The following NAA11 variants were observed in gnomAD, a reference collection of about 807,000 sequenced individuals.
NAA11 encodes the protein N-alpha-acetyltransferase 11, NatA catalytic subunit.
In NAA11, 15 loss-of-function variants were observed where a neutral mutation model predicts 16.1. The ratio of observed to expected loss-of-function variants is 0.93; its 90% confidence interval spans 0.62 to 1.44. The LOEUF (loss-of-function observed/expected upper bound fraction) is 1.44. Ranked by LOEUF, NAA11 falls within the 40% of genes most tolerant of loss-of-function variation. The pLI is 0.00. For synonymous variants in NAA11, 122 were observed against 112.4 expected (o/e 1.09, Z -0.54); for missense variants, 298 against 291.3 (o/e 1.02, Z -0.17).
chr4:79,311,893 G>A (rs143227646), downstream of NAA11, among the ~76,000 whole-genome samples: 3 of 152,296 alleles, frequency 2.0e-5, no homozygotes, highest in Admixed American at 2.0e-4. Flanking sequence ...GGGCTACACA[G>A]ACATGAGTAA....
At position 79,279,058 on chromosome 4, in the gene NAA11, C is replaced by T. The variant is rs191883075; in HGVS notation, c.*122+14947G>A. ...TAGGGCCCTCATGACCTAAACACCT[C>T]CCAAAAGACCTAACCTCTTTACACT... On this transcript the variant is annotated intron_variant and NMD_transcript_variant, in intron 2 of 2. Coordinates refer to the NAA11 transcript ENST00000511542. Among the ~76,000 whole-genome samples the T allele has an allele frequency of 4.0e-3, 604 of 152,098 alleles. 1 individual carries two copies. The highest frequency in any genetic ancestry group is 7.0e-3 in the Non-Finnish European group (474 of 67,952).
At chr4:79,210,003 G>A in the NAA11 span, among the ~76,000 whole-genome samples, 1 of 152,232 alleles carries the variant, frequency 6.6e-6, no homozygotes, top group East Asian at 1.9e-4. Context: ...CTGAGATCAC[G>A]CTGCTGCACT....
intron 2 of NAA11, chr4:79,227,301 A>G (rs898006321): frequency 2.6e-5 from 4 of 152,048 alleles, no homozygotes; most frequent in African/African-American, 9.7e-5. Context: ...AAAGAACTCA[A>G]ACAAATTTAC....
At chr4:79,289,678 T>C (rs1723036120) in intron 2 of NAA11, among the ~76,000 whole-genome samples, 1 of 152,234 alleles carries the variant, frequency 6.6e-6, no homozygotes, top group Non-Finnish European at 1.5e-5. Flanking sequence ...TTCAAAAGAT[T>C]ATATTTCAGC....
intron 1 of NAA11, among the ~76,000 whole-genome samples, chr4:79,320,911 CT>C (rs1724070073): frequency 6.6e-6 from 1 of 152,158 alleles, no homozygotes; most frequent in African/African-American, 2.4e-5. Flanking sequence ...CCTGTTCTTT[CT>C]TTCTTCACTG....
the NAA11 span, among the ~76,000 whole-genome samples, chr4:79,182,999 A>G: frequency 6.6e-6 from 1 of 152,146 alleles, no homozygotes; most frequent in Non-Finnish European, 1.5e-5. Context: ...CTTTACAGGA[A>G]TTATCTAGAT....
chr4:79,259,521 C>A (rs976306738), intron 2 of NAA11, among the ~76,000 whole-genome samples: 30 of 152,170 alleles, frequency 2.0e-4, no homozygotes, highest in African/African-American at 7.2e-4. Context: ...GCCTGGCTCA[C>A]CCTTGGCAGG....
chr4:79,156,394 TA>T, the NAA11 span, among the ~76,000 whole-genome samples: 4 of 152,064 alleles, frequency 2.6e-5, no homozygotes, highest in Admixed American at 2.6e-4. Flanking sequence ...CAAAGTGACT[TA>T]TTTTAAGTAA....
the NAA11 span, among the ~76,000 whole-genome samples, chr4:79,191,514 T>C: frequency 6.6e-6 from 1 of 152,320 alleles, no homozygotes; most frequent in South Asian, 2.1e-4. Context: ...CTTTGCCCAC[T>C]TTGTAATGGA....
At chr4:79,267,929 A>G (rs1198000018) in intron 2 of NAA11, among the ~76,000 whole-genome samples, 1 of 152,126 alleles carries the variant, frequency 6.6e-6, no homozygotes, top group Non-Finnish European at 1.5e-5. Context: ...CAGCCTGGAA[A>G]CAAGTATGTT....
At chr4:79,237,912 A>T (rs1721606289) in intron 2 of NAA11, among the ~76,000 whole-genome samples, 1 of 152,190 alleles carries the variant, frequency 6.6e-6, no homozygotes, top group African/African-American at 2.4e-5. Context: ...ATATGTGTAG[A>T]TTAGAAGCTA....
At chr4:79,218,919 C>A in the NAA11 span, among the ~76,000 whole-genome samples, 1 of 151,960 alleles carries the variant, frequency 6.6e-6, no homozygotes, top group Non-Finnish European at 1.5e-5. Context: ...TGCACTTTAG[C>A]AAAATATTCA....
At chr4:79,282,587 C>CT (rs1405688184) in intron 2 of NAA11, among the ~76,000 whole-genome samples, 2 of 151,714 alleles carry the variant, frequency 1.3e-5, no homozygotes, top group African/African-American at 4.8e-5. Flanking sequence ...GAAAAATTTC[C>CT]TAGAGCAAAC....
chr4:79,259,409 G>C (rs969569471), intron 2 of NAA11, among the ~76,000 whole-genome samples: 9 of 152,316 alleles, frequency 5.9e-5, no homozygotes, highest in Admixed American at 3.9e-4. Flanking sequence ...ACCCATGCTG[G>C]CACCTAGAGC....
chr4:79,245,544 A>G (rs1472958537), intron 2 of NAA11: 1 of 108,800 alleles, frequency 9.2e-6, no homozygotes, highest in Non-Finnish European at 1.9e-5. Context: ...GAGCGTCTCT[A>G]CCCGGCCGCC....
intron 2 of NAA11, among the ~76,000 whole-genome samples, chr4:79,265,970 T>G (rs965334566): frequency 6.6e-6 from 1 of 152,184 alleles, no homozygotes; most frequent in African/African-American, 2.4e-5. Flanking sequence ...TTCCTTTGAA[T>G]TAGTTGGGTC....
Position 79,253,567 on chromosome 4 carries a change from G to C in NAA11, c.*123-27297C>G, listed in dbSNP as rs561140540. Among the ~76,000 whole-genome samples the C allele has an allele frequency of 2.0e-5, 3 of 151,856 alleles. No individual in the cohort carries two copies. The South Asian group carries it at 6.3e-4, about 32-fold the overall frequency. ...TGAAAGAAGTGATGAGAGAGAGAGAGAACTAAAGTTTAGTTATTGAGCATG... is the reference window on the plus strand; with the variant it reads ...TGAAAGAAGTGATGAGAGAGAGAGACAACTAAAGTTTAGTTATTGAGCATG... On this transcript the variant is annotated intron_variant and NMD_transcript_variant, in intron 2 of 2. Transcript: ENST00000511542.
In NAA11 at chr4:79,325,796, T is replaced by C; in HGVS notation, c.82A>G (p.Met28Val). The change falls in exon 1 of 2, where the codon ATG (methionine) becomes GTG (valine). Residue 28 changes from methionine (M) to valine (V), a missense_variant. Coordinates refer to ENST00000286794, the MANE Select transcript of NAA11 (RefSeq NM_032693.3). ...NLLCLPENYQ[M>V]KYYLYHGLSW... The stretch of plus-strand genomic sequence containing the variant: ...AGGCCATGATATAAATAGTATTTCA[T>C]CTGGTAGTTCTCAGGAAGGCAAAGG... 4 of 1,614,174 alleles carry C rather than the reference T, an allele frequency of 2.5e-6. No individual in the cohort carries two copies. Among genetic ancestry groups the C allele is most frequent in the African/African-American group, 2.7e-5 (2 of 75,050 alleles).
At chr4:79,177,850 G>T in the NAA11 span, among the ~76,000 whole-genome samples, 1 of 152,060 alleles carries the variant, frequency 6.6e-6, no homozygotes, top group African/African-American at 2.4e-5. Context: ...TATTATGCAT[G>T]AGATCAGTTC....
Sources: gnomAD v4.1 joint callset for allele counts (sites outside exome capture counted in the v4.1 genomes callset) on GRCh38, gnomAD v4.1.1 for gene constraint, MANE v1.5 for transcripts, NCBI Gene and HGNC (gene_info 2026-07-23, HGNC 2026-07-21) for gene names.